PPP1R12A: variants seen among roughly 807,000 people sequenced by gnomAD.
PPP1R12A encodes protein phosphatase 1 regulatory subunit 12A.
Under a neutral mutation model 139.6 loss-of-function variants are expected in PPP1R12A, and 19 were observed. The ratio of observed to expected loss-of-function variants is 0.14; its 90% CI spans 0.09 to 0.20. The LOEUF is 0.20. Among genes scored for constraint, PPP1R12A ranks in the 10% least tolerant of loss-of-function variants. PPP1R12A has a pLI of 1.00. For missense variants in PPP1R12A, 925 were observed against 1,211.5 expected (o/e 0.76, Z 3.51); for synonymous variants, 427 against 420.6 (o/e 1.02, Z -0.19).
chr12:79,851,356 C>G (rs1367391222), intron 2 of PPP1R12A, among the ~76,000 whole-genome samples: 1 of 152,068 alleles, frequency 6.6e-6, no homozygotes, highest in East Asian at 1.9e-4. Flanking sequence ...AGTTCTGTAT[C>G]CCAATGAAAG....
At chr12:79,790,615 A>G (rs1306776692) in intron 19 of PPP1R12A, 132 bp from the exon 20 acceptor site, 7 of 547,446 alleles carry the variant, frequency 1.3e-5, no homozygotes, top group South Asian at 1.2e-4. Flanking sequence ...TTCTTTATGC[A>G]TAACAGTATA....
At chr12:79,859,302 A>C (rs1881035972) in intron 2 of PPP1R12A, among the ~76,000 whole-genome samples, 1 of 149,176 alleles carries the variant, frequency 6.7e-6, no homozygotes, top group Admixed American at 6.9e-5. Flanking sequence ...GTGCCACTGC[A>C]CTCCAGCCTG....
At chr12:79,839,896 A>C (rs1389432600) in intron 3 of PPP1R12A, among the ~76,000 whole-genome samples, 1 of 152,168 alleles carries the variant, frequency 6.6e-6, no homozygotes, top group Non-Finnish European at 1.5e-5. Flanking sequence ...GACTAATACA[A>C]CTAGAGATAT....
intron 1 of PPP1R12A, among the ~76,000 whole-genome samples, chr12:79,904,830 T>A (rs936807601): frequency 6.6e-6 from 1 of 152,212 alleles, no homozygotes; most frequent in Admixed American, 6.5e-5. Flanking sequence ...AGTGAAGGTG[T>A]GTGTGGTGTA....
chr12:79,845,598 C>T (rs1434262622), intron 2 of PPP1R12A, among the ~76,000 whole-genome samples, 178 bp from the exon 3 acceptor site: 3 of 152,160 alleles, frequency 2.0e-5, no homozygotes, highest in Admixed American at 2.0e-4. Flanking sequence ...AATCCCAGCA[C>T]TTTGGGAGGC....
At chr12:79,793,717 C>A in intron 19 of PPP1R12A, 146 bp downstream of exon 19, 1 of 583,528 alleles carries the variant, frequency 1.7e-6, no homozygotes, top group Non-Finnish European at 2.9e-6. Context: ...AATCCTGATC[C>A]CCAGGCAAAC....
intron 2 of PPP1R12A, among the ~76,000 whole-genome samples, chr12:79,858,333 T>C (rs1238627599): frequency 3.9e-5 from 6 of 152,212 alleles, no homozygotes; most frequent in Non-Finnish European, 7.3e-5. Flanking sequence ...AACCAAAAAT[T>C]ATATTATAAA....
At chr12:79,860,366 T>C (rs1273864825) in intron 2 of PPP1R12A, among the ~76,000 whole-genome samples, 1 of 152,160 alleles carries the variant, frequency 6.6e-6, no homozygotes, top group Non-Finnish European at 1.5e-5. Context: ...CCAACATTCA[T>C]TGGTCAATTA....
intron 1 of PPP1R12A, among the ~76,000 whole-genome samples, chr12:79,904,206 C>T (rs1227716483): frequency 1.3e-5 from 2 of 150,990 alleles, no homozygotes; most frequent in African/African-American, 4.9e-5. Flanking sequence ...CAGAGTAAGA[C>T]TCTGTCTCCA....
At chr12:79,823,610 TA>T (rs1456764226) in intron 5 of PPP1R12A, among the ~76,000 whole-genome samples, 3 of 106,822 alleles carry the variant, frequency 2.8e-5, no homozygotes, top group Admixed American at 9.6e-5. Context: ...TTTTTTTTTT[TA>T]AAGATAGGAT....
rs1869475775 is a variant in PPP1R12A, at chr12:79,773,714, T to C, written c.*2215A>G. 6.6e-6 allele frequency: 1 copy of C among 152,188 alleles called. No individual in the cohort carries two copies. The highest frequency in any genetic ancestry group is 2.1e-4 in the South Asian group (1 of 4,832). The allele number at this position is 152,188 out of a possible 1,614,324, so 9.4% of individuals were successfully genotyped here. A position where few individuals can be genotyped will look rare whatever the true frequency, so the allele number is the denominator to read the frequency against. On this transcript the variant is annotated 3_prime_UTR_variant, in exon 25 of 25. Transcript: ENST00000450142. ...TATCACAATATTACAATTTCAGAAA[T>C]TATTCAAATTGGTATCCAAGTAAAG... is the stretch of plus-strand genomic sequence containing the variant.
chr12:79,884,366 T>C lies in PPP1R12A; in HGVS notation c.238-11428A>G, dbSNP rs561748916. On this transcript the variant is annotated intron_variant, in intron 1 of 24. Coordinates refer to ENST00000450142, the MANE Select transcript of PPP1R12A (RefSeq NM_002480.3). ...ATACCAATACCAAAAGCAATTAATG[T>C]TAAATCTGCTTGTTCTTTTGTTTAT... Among the ~76,000 whole-genome samples, 8 of 152,340 alleles carry C rather than the reference T, an allele frequency of 5.3e-5. No individual in the cohort carries two copies. In the East Asian group the frequency reaches 1.5e-3, roughly 29 times the overall value.
chr12:79,788,772 C>G lies in PPP1R12A; in HGVS notation c.2678G>C (p.Ser893Thr). 6.2e-7 allele frequency: 1 copy of G among 1,605,016 alleles called. No individual in the cohort carries two copies. The highest frequency in any genetic ancestry group is 8.5e-7 in the Non-Finnish European group (1 of 1,175,462). ...ATATCGATCACCAGCTGATGTAGAA[C>G]TGGTTTCATATCTTCAAAAGATTAA... is the stretch of plus-strand genomic sequence containing the variant. ...QTDSISRYET[S>T]STSAGDRYDS... The change falls in exon 21 of 25, where the codon AGT becomes ACT. Residue 893 changes from serine (S) to threonine (T), a missense_variant. By Grantham distance (58) the Ser-to-Thr change is moderately conservative. Coordinates refer to ENST00000450142, the MANE Select transcript of PPP1R12A (RefSeq NM_002480.3).
At position 79,845,364 on chromosome 12, in the gene PPP1R12A, G is replaced by A; in HGVS notation, c.425C>T (p.Pro142Leu). 6.2e-7 allele frequency: 1 copy of A among 1,613,610 alleles called. No homozygotes were observed. Among genetic ancestry groups the A allele is most frequent in the Non-Finnish European group, 8.5e-7 (1 of 1,179,768 alleles). ...VGAVNSEGDTPLDIAEEEAME... is the reference protein window; with the variant it reads ...VGAVNSEGDTLLDIAEEEAME... The stretch of plus-strand genomic sequence containing the variant: ...TGCCTCCTCCTCCGCAATATCTAAA[G>A]GTGTATCTCCTTCACTGTTGACAGC... Residue 142 changes from proline to leucine, a missense_variant, in exon 3 of 25, where the codon CCT (proline) becomes CTT (leucine). Coordinates refer to ENST00000450142, the MANE Select transcript of PPP1R12A (RefSeq NM_002480.3).
rs535184972 is a variant in PPP1R12A at position 79,904,696 on chromosome 12, T to G, written c.237+29999A>C. On this transcript the variant is annotated intron_variant, in intron 1 of 24. Transcript: ENST00000450142. The stretch of plus-strand genomic sequence containing the variant: ...AACACCCTACAATATAATGTTTTAT[T>G]AAGCAATTGGCTGCTTAATATACGT... Among the ~76,000 whole-genome samples, 18 of 152,358 alleles carry G rather than the reference T, an allele frequency of 1.2e-4. No homozygotes were observed. In the South Asian group the frequency reaches 1.9e-3, roughly 16 times the overall value.
At chr12:79,797,028 C>A in intron 16 of PPP1R12A, 78 bp from the exon 17 acceptor site, 2 of 1,472,580 alleles carry the variant, frequency 1.4e-6, no homozygotes, top group Non-Finnish European at 1.8e-6. Context: ...AAATTCATTT[C>A]AAAGAAAAAG....
At position 79,812,391 on chromosome 12, in the gene PPP1R12A, C is replaced by CGTGTGTGTGTGTGTGTGTGT. The variant is rs1156924649; in HGVS notation, c.1240-2401_1240-2382dup. ...CTTTTCTTGACTGACTCTGTGTGTG[C>CGTGTGTGTGTGTGTGTGTGT]GTGTGTGTGTGTGTGTGTGTGTGTG... On this transcript the variant is annotated intron_variant, in intron 9 of 24. Coordinates refer to ENST00000450142, the MANE Select transcript of PPP1R12A (RefSeq NM_002480.3). 9.9e-3 allele frequency among the ~76,000 whole-genome samples: 1,335 copies of CGTGTGTGTGTGTGTGTGTGT among 134,570 alleles called. 42 individuals are homozygous for CGTGTGTGTGTGTGTGTGTGT. Among genetic ancestry groups the CGTGTGTGTGTGTGTGTGTGT allele is most frequent in the African/African-American group, 0.036 (1,257 of 35,160 alleles). 88.3% of individuals were successfully genotyped at this position (134,570 alleles called of 152,430 possible). A position where few individuals can be genotyped will look rare whatever the true frequency, so the allele number is the denominator to read the frequency against.
chr12:79,862,083 AG>A (rs1253361969), intron 2 of PPP1R12A, among the ~76,000 whole-genome samples: 3 of 151,978 alleles, frequency 2.0e-5, no homozygotes, highest in Non-Finnish European at 4.4e-5. Context: ...CACCTCATAC[AG>A]GGGGGTGCCC....
chr12:79,870,120 C>T (rs1006962679), intron 2 of PPP1R12A, among the ~76,000 whole-genome samples: 1 of 151,656 alleles, frequency 6.6e-6, no homozygotes, highest in African/African-American at 2.4e-5. Flanking sequence ...TTTTTTGAAA[C>T]AAGGTTTCAC....
Sources: allele counts gnomAD v4.1 joint callset (sites outside exome capture counted in the v4.1 genomes callset), GRCh38; gene constraint gnomAD v4.1.1; transcripts MANE v1.5; gene names NCBI Gene and HGNC (gene_info 2026-07-23, HGNC 2026-07-21).